BASP1: variants seen among roughly 807,000 people sequenced by gnomAD.
The protein encoded by BASP1 is brain abundant membrane attached signal protein 1, also known as brain acid soluble protein 1.
Under a neutral mutation model 2.2 loss-of-function variants are expected in BASP1, and 1 was observed. That is an observed-to-expected ratio of 0.46 (90% CI 0.16 to 2.17). The LOEUF (loss-of-function observed/expected upper bound fraction) is 2.17, where lower values mean the gene tolerates loss of function less well. Ranked by LOEUF, BASP1 falls within the 30% of genes most tolerant of loss-of-function variation. The pLI is 0.27. For missense variants in BASP1, 352 were observed against 327.2 expected (o/e 1.08, Z -0.58); for synonymous variants, 187 against 154.2 (o/e 1.21, Z -1.58).
intron 1 of BASP1, among the ~76,000 whole-genome samples, chr5:17,221,953 G>A (rs1200094176): frequency 1.3e-5 from 2 of 151,994 alleles, no homozygotes; most frequent in Non-Finnish European, 2.9e-5. Context: ...CTTAAGTGTG[G>A]AATGGCTGGC....
rs374392453 is a variant in BASP1, at chr5:17,275,178, C to T, written c.-9-30C>T. ...GTCCCCACACTTGCCTAGTAACCGC[C>T]GTTTTGTTTTGTTTTGTGTTTGCTT... On this transcript the variant is annotated intron_variant, in intron 1 of 1. Transcript: ENST00000322611. This position sits in a 1 kb window ranked among gnomAD's most constrained non-coding sequence, Gnocchi z 5.3. 26 of 1,606,482 alleles carry T rather than the reference C, an allele frequency of 1.6e-5. No homozygotes were observed. In the African/African-American group the frequency reaches 3.0e-4, roughly 18 times the overall value.
chr5:17,268,283 T>C (rs1407189812), intron 1 of BASP1, among the ~76,000 whole-genome samples: 2 of 152,226 alleles, frequency 1.3e-5, no homozygotes, highest in Non-Finnish European at 2.9e-5. Context: ...AAATATTTCA[T>C]AATTTATTTT....
chr5:17,275,965 C>CTCTA lies in BASP1; in HGVS notation c.*68_*69insATCT, dbSNP rs1347494509. ...ATCTCCTCTCTCTCTCTCTCTCTCT[C>CTCTA]TCTCTATCTCTCTCTCTATCTCCTC... On this transcript the variant is annotated 3_prime_UTR_variant, in exon 2 of 2. Coordinates refer to ENST00000322611, the MANE Select transcript of BASP1 (RefSeq NM_006317.5). This position sits in a 1 kb window ranked among gnomAD's most constrained non-coding sequence, Gnocchi z 5.3. The CTCTA allele has an allele frequency of 1.1e-5, 13 of 1,236,382 alleles. No homozygotes were observed. Among genetic ancestry groups the CTCTA allele is most frequent in the South Asian group, 5.0e-5 (3 of 60,448 alleles). The allele number at this position is 1,236,382 out of a possible 1,614,324, so 76.6% of individuals were successfully genotyped here.
At chr5:17,220,342 T>C (rs1739372320) in intron 1 of BASP1, among the ~76,000 whole-genome samples, 1 of 152,208 alleles carries the variant, frequency 6.6e-6, no homozygotes, top group South Asian at 2.1e-4. Flanking sequence ...CTTTCTTTTT[T>C]CTTTTCCTTT....
intron 1 of BASP1, among the ~76,000 whole-genome samples, chr5:17,224,875 G>C (rs1739463054): frequency 6.6e-6 from 1 of 152,206 alleles, no homozygotes. Flanking sequence ...AGTGTTGCCT[G>C]ATTAGAAATA....
rs547302807 is a variant in BASP1, at chr5:17,238,593, G to A, written c.-10+20783G>A. On this transcript the variant is annotated intron_variant, in intron 1 of 1. Transcript: ENST00000322611. ...CCAGATAGTCTCATCTGAATGTACT[G>A]AGGCATCACCGCATTCATTCCAAAT... Among the ~76,000 whole-genome samples, 17 of 152,288 alleles carry A rather than the reference G, an allele frequency of 1.1e-4. No homozygotes were observed. The East Asian group carries it at 1.7e-3, about 16-fold the overall frequency.
rs1740606567 is a variant in BASP1, at chr5:17,275,165, GC to G, written c.-9-41del. ...GCAGCTTTTTGTGGTCCCCACACTT[GC>G]CTAGTAACCGCCGTTTTGTTTTGTT... On this transcript the variant is annotated intron_variant, in intron 1 of 1. Coordinates refer to ENST00000322611, the MANE Select transcript of BASP1 (RefSeq NM_006317.5). The surrounding 1 kb of genome is among the most constrained non-coding windows in gnomAD (Gnocchi z 5.3). The G allele has an allele frequency of 1.9e-6, 3 of 1,599,062 alleles. No individual in the cohort carries two copies. The highest frequency in any genetic ancestry group is 1.7e-5 in the Admixed American group (1 of 58,968).
intron 1 of BASP1, among the ~76,000 whole-genome samples, chr5:17,266,294 C>T (rs547818464): frequency 5.0e-4 from 76 of 152,160 alleles, no homozygotes; most frequent in Admixed American, 1.6e-3. Flanking sequence ...TCAGAAAAAG[C>T]GGTTTTAAGG....
chr5:17,275,363 C>G lies in BASP1; in HGVS notation c.147C>G (p.Ala49=), dbSNP rs779751947. ...AGCCCCAGGCGGCCGCAGAGCCCGC[C>G]GAGGCCAAGGAGGGCAAGGAGAAGC... ...ESEPQAAAEP[A]EAKEGKEKPD... Residue 49 remains alanine, a synonymous_variant, in exon 2 of 2, where the codon GCC becomes GCG. Coordinates refer to ENST00000322611, the MANE Select transcript of BASP1 (RefSeq NM_006317.5). The surrounding 1 kb of genome is among the most constrained non-coding windows in gnomAD (Gnocchi z 5.3). The G allele has an allele frequency of 6.2e-7, 1 of 1,600,526 alleles. No homozygotes were observed. The highest frequency in any genetic ancestry group is 8.5e-7 in the Non-Finnish European group (1 of 1,174,090).
At chr5:17,271,347 C>T (rs1439818691) in intron 1 of BASP1, among the ~76,000 whole-genome samples, 2 of 152,160 alleles carry the variant, frequency 1.3e-5, no homozygotes, top group Non-Finnish European at 2.9e-5. Flanking sequence ...ATCTTGAACT[C>T]CTGACCTCAA....
chr5:17,276,019 C>T lies in BASP1; in HGVS notation c.*119C>T, dbSNP rs921348512. On this transcript the variant is annotated 3_prime_UTR_variant, in exon 2 of 2. Coordinates refer to ENST00000322611, the MANE Select transcript of BASP1 (RefSeq NM_006317.5). The stretch of plus-strand genomic sequence containing the variant: ...CTCTCTCCTCTCCTATCTCTCCTCT[C>T]TCTCTCTCCTATACTAACTTGTTTC... 5 of 846,500 alleles carry T rather than the reference C, an allele frequency of 5.9e-6. No individual in the cohort carries two copies. The highest frequency in any genetic ancestry group is 5.3e-5 in the African/African-American group (3 of 56,630). 52.4% of individuals were successfully genotyped at this position (846,500 alleles called of 1,614,324 possible).
rs912062359 is a variant in BASP1, at chr5:17,251,495, T to C, written c.-9-23713T>C. On this transcript the variant is annotated intron_variant, in intron 1 of 1. Transcript: ENST00000322611. This position sits in a 1 kb window ranked among gnomAD's most constrained non-coding sequence, Gnocchi z 4.0. ...TCTCTCAGCTCTTCCTTCCACAGTG[T>C]TGGTTTCTGTGGAAGGGTCCAAACA... Among the ~76,000 whole-genome samples, 1 of 152,218 alleles carries C rather than the reference T, an allele frequency of 6.6e-6. No individual in the cohort carries two copies. The highest frequency in any genetic ancestry group is 2.4e-5 in the African/African-American group (1 of 41,452).
intron 1 of BASP1, among the ~76,000 whole-genome samples, chr5:17,220,067 T>C (rs1169395408): frequency 1.3e-5 from 2 of 152,226 alleles, no homozygotes; most frequent in Non-Finnish European, 2.9e-5. Context: ...AGGAGCCAAA[T>C]ATGATATTTT....
At chr5:17,230,685 TC>T (rs919347873) in intron 1 of BASP1, among the ~76,000 whole-genome samples, 21 of 152,240 alleles carry the variant, frequency 1.4e-4, no homozygotes, top group Middle Eastern at 3.4e-3. Flanking sequence ...TGCCTCAGCC[TC>T]CCAAGTAGGT....
intron 1 of BASP1, among the ~76,000 whole-genome samples, chr5:17,250,856 G>T (rs137885941): frequency 6.6e-6 from 1 of 152,076 alleles, no homozygotes; most frequent in Admixed American, 6.6e-5. Context: ...CGCCCGCCTC[G>T]GCCTCCCAAA....
intron 1 of BASP1, among the ~76,000 whole-genome samples, chr5:17,226,235 G>T (rs1739501447): frequency 6.6e-6 from 1 of 152,222 alleles, no homozygotes; most frequent in South Asian, 2.1e-4. Flanking sequence ...AAACTTCTTT[G>T]TCTTTTTAAA....
At chr5:17,257,017 G>A (rs896383044) in intron 1 of BASP1, among the ~76,000 whole-genome samples, 4 of 152,188 alleles carry the variant, frequency 2.6e-5, no homozygotes, top group Admixed American at 6.5e-5. Context: ...CCAGTAAGAT[G>A]GAAATAGTTT....
chr5:17,264,601 A>AT (rs959265201), intron 1 of BASP1, among the ~76,000 whole-genome samples: 47 of 152,228 alleles, frequency 3.1e-4, no homozygotes, highest in Non-Finnish European at 1.5e-5. Context: ...AAGCAGATAT[A>AT]TTTTTTTCTG....
chr5:17,270,515 A>AT (rs1385813339), intron 1 of BASP1, among the ~76,000 whole-genome samples: 2 of 152,254 alleles, frequency 1.3e-5, no homozygotes, highest in African/African-American at 4.8e-5. Flanking sequence ...GTGACAACAG[A>AT]TAACTGTAAA....
Sources: gnomAD v4.1 joint callset for allele counts (sites outside exome capture counted in the v4.1 genomes callset) on GRCh38, gnomAD v4.1.1 for gene constraint, Gnocchi (gnomAD v3.1) non-coding constraint, MANE v1.5 for transcripts, NCBI Gene and HGNC (gene_info 2026-07-23, HGNC 2026-07-21) for gene names.